HERC2: variants seen among roughly 807,000 people sequenced by gnomAD.
HERC2 encodes the protein HECT and RLD domain containing E3 ubiquitin protein ligase 2.
Under a neutral mutation model 537.7 loss-of-function variants are expected in HERC2, and 102 were observed. That is an observed-to-expected ratio of 0.19 (90% confidence interval 0.16 to 0.22). The LOEUF is 0.22. HERC2 is among the 10% of genes least tolerant of loss of function. The probability of loss-of-function intolerance (pLI) is 1.00; values close to 1 mark genes in which losing one functional copy is unlikely to be tolerated. For synonymous variants in HERC2, 2,224 were observed against 2,466.2 expected, an observed-to-expected ratio of 0.90 and a Z score of 2.91; for missense variants, 4,236 against 6,198.2, an observed-to-expected ratio of 0.68 and a Z score of 10.63.
At chr15:28,275,045 C>G (rs1283630232) in intron 5 of HERC2, 40 bp from the exon 6 acceptor site, 1 of 1,278,266 alleles carries the variant, frequency 7.8e-7, no homozygotes, top group African/African-American at 1.5e-5. Flanking sequence ...CAGTCAGCAG[C>G]AGAGGGTGCA....
rs148537831 is a variant in HERC2, at chr15:28,256,592, G to C, written c.2518-275C>G. Among the ~76,000 whole-genome samples, 547 of 152,130 alleles carry C rather than the reference G, an allele frequency of 3.6e-3. 7 individuals carry two copies. Among genetic ancestry groups the C allele is most frequent in the African/African-American group, 0.012 (518 of 41,522 alleles). ...CTAGCAACAGCAACCTCCACCCCGC[G>C]CCAACAATCTGCACCAAACACAGAA... On this transcript the variant is annotated intron_variant, in intron 17 of 92. Coordinates refer to ENST00000261609, the MANE Select transcript of HERC2 (RefSeq NM_004667.6).
chr15:28,146,253 G>A lies in HERC2; in HGVS notation c.10992C>T (p.Ile3664=), dbSNP rs761163333. Residue 3664 remains isoleucine (I), a synonymous_variant, in exon 71 of 93, where the codon ATC becomes ATT. Transcript: ENST00000261609. ...PLTVMDGVNR[I]VSVRSGREWS... Reference sequence around the variant, plus strand: ...TGTCCTTACCTGACCGCACGGAGACGATCCTGTTGACGCCGTCCATGACTG... The same window carrying A: ...TGTCCTTACCTGACCGCACGGAGACAATCCTGTTGACGCCGTCCATGACTG... 1.6e-5 allele frequency: 26 copies of A among 1,613,804 alleles called. No individual in the cohort carries two copies. Among genetic ancestry groups the A allele is most frequent in the East Asian group, 6.7e-5 (3 of 44,854 alleles).
intron 16 of HERC2, 142 bp from the exon 17 acceptor site, chr15:28,257,403 G>T: frequency 1.5e-6 from 1 of 647,152 alleles, no homozygotes; most frequent in Non-Finnish European, 2.7e-6. Flanking sequence ...AGGCATTCAT[G>T]GATGTCTAGC....
intron 5 of HERC2, among the ~76,000 whole-genome samples, chr15:28,278,744 C>A (rs539744463): frequency 4.6e-5 from 7 of 152,180 alleles, no homozygotes; most frequent in Non-Finnish European, 8.8e-5. Context: ...GCCTCCCGTA[C>A]CTTCTATGTG....
chr15:28,117,819 A>G, intron 86 of HERC2: 1 of 339,850 alleles, frequency 2.9e-6, no homozygotes, highest in Non-Finnish European at 5.8e-6. Flanking sequence ...ATTCCCAAAG[A>G]CACCAGGGCA....
chr15:28,264,036 AAAC>A (rs1385685560), intron 14 of HERC2, among the ~76,000 whole-genome samples: 3 of 150,596 alleles, frequency 2.0e-5, no homozygotes, highest in African/African-American at 7.4e-5. Flanking sequence ...AAAAAAAAAA[AAAC>A]AAACAAAAAC....
chr15:28,228,434 C>T (rs1901471067), intron 34 of HERC2, 25 bp from the exon 35 acceptor site: 1 of 1,606,666 alleles, frequency 6.2e-7, no homozygotes, highest in Admixed American at 1.7e-5. Flanking sequence ...CACCTACTGA[C>T]ATTTCTTGTG....
chr15:28,208,854 A>G (rs554518507), intron 44 of HERC2, among the ~76,000 whole-genome samples: 40 of 152,148 alleles, frequency 2.6e-4, no homozygotes, highest in Admixed American at 8.5e-4. Context: ...CCGCCTCCTG[A>G]CCCCAGAGGA....
At chr15:28,153,158 A>T (rs1892629170) in intron 69 of HERC2, among the ~76,000 whole-genome samples, 1 of 152,230 alleles carries the variant, frequency 6.6e-6, no homozygotes, top group Non-Finnish European at 1.5e-5. Flanking sequence ...GTTCGAGATC[A>T]GCCTGACCAA....
intron 69 of HERC2, among the ~76,000 whole-genome samples, chr15:28,162,769 T>C (rs1893740296): frequency 1.3e-5 from 2 of 152,150 alleles, no homozygotes; most frequent in South Asian, 4.1e-4. Context: ...TGGGCACCTG[T>C]AGTCCCAGCT....
intron 79 of HERC2, among the ~76,000 whole-genome samples, chr15:28,135,125 T>A (rs536798243): frequency 3.3e-5 from 5 of 152,298 alleles, no homozygotes; most frequent in African/African-American, 9.6e-5. Context: ...TCTTTCTTCC[T>A]CACCCCTGCT....
chr15:28,147,576 G>A (rs1169407598), intron 70 of HERC2, among the ~76,000 whole-genome samples: 1 of 151,976 alleles, frequency 6.6e-6, no homozygotes. Context: ...GTTTGGGGCT[G>A]TAGTGAGCCA....
rs764255392 is a variant in HERC2 at position 28,214,661 on chromosome 15, G to A, written c.6352C>T (p.Leu2118Phe). Residue 2118 changes from leucine (L) to phenylalanine (F), a missense_variant, in exon 40 of 93, where the codon CTC (leucine) becomes TTC (phenylalanine). Around this residue, in one of 27 missense-constraint regions of HERC2, gnomAD observed 365 missense variants for 468.8 expected, o/e 0.78. Transcript: ENST00000261609. The part of the protein sequence containing the change: ...LTTCSSDVPL[L>F]RESTLRRRRV... The stretch of plus-strand genomic sequence containing the variant: ...AAGGTAGACGGCCACCCACCTCTGA[G>A]TAATGGCACGTCAGAGGAGCAGGTA... 7 of 1,611,890 alleles carry A rather than the reference G, an allele frequency of 4.3e-6. No individual in the cohort carries two copies. Among genetic ancestry groups the A allele is most frequent in the Non-Finnish European group, 5.9e-6 (7 of 1,179,838 alleles).
chr15:28,301,851 G>C (rs951530691), intron 2 of HERC2, among the ~76,000 whole-genome samples: 1 of 136,608 alleles, frequency 7.3e-6, no homozygotes, highest in African/African-American at 2.7e-5. Context: ...CTAAGCTGGA[G>C]TGCAGTTGTG....
chr15:28,142,166 T>G, intron 76 of HERC2, 72 bp downstream of exon 76: 1 of 1,515,518 alleles, frequency 6.6e-7, no homozygotes, highest in Non-Finnish European at 8.9e-7. Flanking sequence ...CTCGTAATAT[T>G]GGCATCTTGT....
intron 23 of HERC2, among the ~76,000 whole-genome samples, chr15:28,242,498 T>C (rs1047240157): frequency 6.6e-6 from 1 of 152,220 alleles, no homozygotes; most frequent in Non-Finnish European, 1.5e-5. Context: ...ATGGGACCTA[T>C]CTTCTTCCTG....
chr15:28,289,235 G>T (rs139212661), intron 4 of HERC2, among the ~76,000 whole-genome samples: 4,264 of 150,212 alleles, frequency 0.028, 96 homozygotes, highest in Middle Eastern at 0.12. Flanking sequence ...ATACACAAAG[G>T]TTGAAAGTGA....
At chr15:28,209,012 C>G (rs568439844) in intron 44 of HERC2, among the ~76,000 whole-genome samples, 1 of 152,282 alleles carries the variant, frequency 6.6e-6, no homozygotes, top group South Asian at 2.1e-4. Context: ...AAAAGTGACA[C>G]AAGCTCATTC....
intron 56 of HERC2, among the ~76,000 whole-genome samples, chr15:28,183,278 C>T (rs1268973273): frequency 1.3e-5 from 2 of 152,166 alleles, no homozygotes; most frequent in East Asian, 1.9e-4. Context: ...GGCATAATCC[C>T]GGTTCACTGT....
Sources: allele counts gnomAD v4.1 joint callset (sites outside exome capture counted in the v4.1 genomes callset), GRCh38; gene constraint gnomAD v4.1.1; regional missense constraint gnomAD v4.1.1; transcripts MANE v1.5; gene names NCBI Gene and HGNC (gene_info 2026-07-23, HGNC 2026-07-21).